The following RGL1 variants were observed in gnomAD, a reference collection of about 807,000 sequenced individuals.
The protein encoded by RGL1 is ral guanine nucleotide dissociation stimulator like 1.
Under a neutral mutation model 95.2 loss-of-function variants are expected in RGL1, and 24 were observed. The ratio of observed to expected loss-of-function variants is 0.25; its 90% CI spans 0.18 to 0.35. The LOEUF (loss-of-function observed/expected upper bound fraction) is 0.35, where lower values mean the gene tolerates loss of function less well. Ranked by LOEUF, RGL1 falls within the 10% of genes least tolerant of loss-of-function variation. RGL1 has a pLI of 1.00. For missense variants in RGL1, 715 were observed against 936.3 expected, an observed-to-expected ratio of 0.76 and a Z score of 3.08; for synonymous variants, 329 against 344.9, an observed-to-expected ratio of 0.95 and a Z score of 0.51.
At chr1:183,707,918 G>A (rs1405933656) in intron 1 of RGL1, among the ~76,000 whole-genome samples, 1 of 152,124 alleles carries the variant, frequency 6.6e-6, no homozygotes, top group Admixed American at 6.5e-5. Flanking sequence ...GGTGAGAATG[G>A]AGGAGAATGA....
chr1:183,924,801 A>C (rs1255368343), intron 17 of RGL1, among the ~76,000 whole-genome samples: 1 of 64,036 alleles, frequency 1.6e-5, no homozygotes, highest in Non-Finnish European at 2.9e-5. Context: ...AAAAAATACA[A>C]AAAAAAAAAA....
chr1:183,824,823 C>G (rs189935152), intron 2 of RGL1, among the ~76,000 whole-genome samples: 1 of 152,240 alleles, frequency 6.6e-6, no homozygotes, highest in African/African-American at 2.4e-5. Flanking sequence ...AGCCTCTTGC[C>G]TGTTAAAGAA....
intron 2 of RGL1, among the ~76,000 whole-genome samples, chr1:183,795,239 G>A (rs1279421805): frequency 1.3e-5 from 2 of 152,190 alleles, no homozygotes; most frequent in East Asian, 1.9e-4. Flanking sequence ...TATGTGCTAG[G>A]CACAGTGTGA....
intron 1 of RGL1, among the ~76,000 whole-genome samples, chr1:183,720,573 C>T (rs1655964525): frequency 6.6e-6 from 1 of 152,256 alleles, no homozygotes; most frequent in South Asian, 2.1e-4. Context: ...CTTCCCTTGT[C>T]ATACTACTGA....
chr1:183,663,958 C>T (rs1200589311), intron 1 of RGL1, among the ~76,000 whole-genome samples: 1 of 150,226 alleles, frequency 6.7e-6, no homozygotes, highest in African/African-American at 2.5e-5. Context: ...TAAACCATTG[C>T]AAGAACAAAA....
intron 2 of RGL1, among the ~76,000 whole-genome samples, chr1:183,833,482 G>A (rs1328865014): frequency 6.6e-6 from 1 of 152,142 alleles, no homozygotes; most frequent in Non-Finnish European, 1.5e-5. Flanking sequence ...TGGGGCATGG[G>A]CTCAGGAATC....
At chr1:183,752,479 C>T (rs1412062975) in intron 2 of RGL1, among the ~76,000 whole-genome samples, 1 of 152,122 alleles carries the variant, frequency 6.6e-6, no homozygotes, top group Non-Finnish European at 1.5e-5. Flanking sequence ...CCCACCTCGG[C>T]CTCCCAAAGT....
At chr1:183,732,764 A>T (rs1181290886) in intron 1 of RGL1, among the ~76,000 whole-genome samples, 2 of 152,184 alleles carry the variant, frequency 1.3e-5, no homozygotes, top group Non-Finnish European at 2.9e-5. Context: ...GAATATTTGC[A>T]ATTTTAAAGA....
intron 1 of RGL1, among the ~76,000 whole-genome samples, chr1:183,727,631 A>G (rs1656386591): frequency 6.6e-6 from 1 of 152,188 alleles, no homozygotes; most frequent in Admixed American, 6.6e-5. Context: ...AATAAGAGGC[A>G]CATAGGTTAG....
chr1:183,909,896 T>A (rs1406784674), intron 14 of RGL1, among the ~76,000 whole-genome samples: 1 of 152,134 alleles, frequency 6.6e-6, no homozygotes, highest in Non-Finnish European at 1.5e-5. Flanking sequence ...AGAAAGTCTT[T>A]ATTTTGCCCT....
intron 2 of RGL1, among the ~76,000 whole-genome samples, chr1:183,825,767 G>A (rs1284898502): frequency 6.6e-6 from 1 of 152,166 alleles, no homozygotes. Context: ...GGGGCTTTTA[G>A]AAGCAGACAC....
At chr1:183,771,652 G>A (rs936815255) in intron 2 of RGL1, among the ~76,000 whole-genome samples, 4 of 152,214 alleles carry the variant, frequency 2.6e-5, no homozygotes, top group South Asian at 2.1e-4. Flanking sequence ...AGGGAAGAGC[G>A]TGGTTCCTTT....
At chr1:183,721,236 G>A (rs1926825) in intron 1 of RGL1, among the ~76,000 whole-genome samples, 107,769 of 152,012 alleles carry the variant, frequency 0.71, 38,699 homozygotes, top group East Asian at 0.91. Flanking sequence ...TAAAATCTTA[G>A]TCATTCAGTG....
chr1:183,737,519 G>A (rs1419268041), intron 1 of RGL1, among the ~76,000 whole-genome samples: 1 of 150,846 alleles, frequency 6.6e-6, no homozygotes, highest in Non-Finnish European at 1.5e-5. Flanking sequence ...GGAGACTGAG[G>A]CAGGAGGATC....
chr1:183,923,833 C>T (rs1248943323), intron 17 of RGL1, among the ~76,000 whole-genome samples: 3 of 152,176 alleles, frequency 2.0e-5, no homozygotes, highest in Non-Finnish European at 4.4e-5. Flanking sequence ...ACAGAATGTA[C>T]AGGAGTCACT....
intron 1 of RGL1, among the ~76,000 whole-genome samples, chr1:183,717,580 G>A (rs1174547226): frequency 6.6e-6 from 1 of 152,000 alleles, no homozygotes; most frequent in African/African-American, 2.4e-5. Flanking sequence ...TTTATATTTG[G>A]TACTTTTAAA....
chr1:183,714,245 A>AT (rs1245244626), intron 1 of RGL1, among the ~76,000 whole-genome samples: 1 of 152,048 alleles, frequency 6.6e-6, no homozygotes, highest in Admixed American at 6.6e-5. Flanking sequence ...TGGGTTTTCC[A>AT]TTTTTTTGCA....
At chr1:183,719,010 G>A (rs1248702621) in intron 1 of RGL1, among the ~76,000 whole-genome samples, 2 of 152,210 alleles carry the variant, frequency 1.3e-5, no homozygotes, top group African/African-American at 4.8e-5. Context: ...TGCATGTCAA[G>A]TGCTAATCTC....
chr1:183,812,047 T>G (rs1426703572), intron 2 of RGL1, among the ~76,000 whole-genome samples: 3 of 152,234 alleles, frequency 2.0e-5, no homozygotes, highest in Non-Finnish European at 4.4e-5. Context: ...TTAGTTTCCT[T>G]TGCCCATGGT....
Sources: allele counts gnomAD v4.1 joint callset (sites outside exome capture counted in the v4.1 genomes callset), GRCh38; gene constraint gnomAD v4.1.1; transcripts MANE v1.5; gene names NCBI Gene and HGNC (gene_info 2026-07-23, HGNC 2026-07-21).